The following LTBP1 variants were observed in gnomAD, a reference collection of about 807,000 sequenced individuals.
LTBP1 encodes the protein latent-transforming growth factor beta-binding protein 1.
LTBP1 carries 129 observed loss-of-function variants against 207.6 expected under a neutral mutation model. The observed-to-expected ratio is 0.62, with a 90% CI of 0.54 to 0.72. The LOEUF (loss-of-function observed/expected upper bound fraction) is 0.72. LTBP1 is among the 30% of genes least tolerant of loss of function. The pLI is 0.00. For synonymous variants in LTBP1, 963 were observed against 833.7 expected, an observed-to-expected ratio of 1.16 and a Z score of -2.67; for missense variants, 2,281 against 2,217.2, an observed-to-expected ratio of 1.03 and a Z score of -0.58.
chr2:33,042,397 G>T (rs562396597), intron 3 of LTBP1, among the ~76,000 whole-genome samples: 1 of 152,288 alleles, frequency 6.6e-6, no homozygotes, highest in Admixed American at 6.5e-5. Context: ...GGTTTTTTCT[G>T]TGCTTTTCCT....
chr2:33,173,042 A>C (rs1328751910), intron 5 of LTBP1, among the ~76,000 whole-genome samples: 2 of 152,230 alleles, frequency 1.3e-5, no homozygotes, highest in Non-Finnish European at 2.9e-5. Context: ...AATGTCCACA[A>C]GAGAAAGCAG....
At position 33,334,471 on chromosome 2, in the gene LTBP1, G is replaced by A. The variant is rs181113747; in HGVS notation, c.3731-8367G>A. Among the ~76,000 whole-genome samples the A allele has an allele frequency of 2.6e-5, 4 of 152,324 alleles. No individual in the cohort carries two copies. The East Asian group carries it at 7.7e-4, about 29-fold the overall frequency. Reference sequence around the variant, plus strand: ...AAACTCAGTTTGGAAGCCATTGCAGGAATTCGAGTGAAAGATAATGTGTCC... The same window carrying A: ...AAACTCAGTTTGGAAGCCATTGCAGAAATTCGAGTGAAAGATAATGTGTCC... On this transcript the variant is annotated intron_variant, in intron 24 of 33. Coordinates refer to ENST00000404816, the MANE Select transcript of LTBP1 (RefSeq NM_206943.4).
chr2:33,104,825 A>G (rs184573642), intron 3 of LTBP1, among the ~76,000 whole-genome samples: 1 of 152,220 alleles, frequency 6.6e-6, no homozygotes, highest in East Asian at 1.9e-4. Context: ...TAACATAATC[A>G]TTCTTGCCCT....
chr2:33,064,206 G>C (rs2077396144), intron 3 of LTBP1, among the ~76,000 whole-genome samples: 1 of 152,144 alleles, frequency 6.6e-6, no homozygotes. Flanking sequence ...ACTTTAAATT[G>C]AGTTTTCTGC....
chr2:32,958,731 A>G lies in LTBP1; in HGVS notation c.565+9786A>G, dbSNP rs542159629. ...TGTTTACTCTCACCTTTTGGCAATAATTTCCACTTGTTTTTCTTTCCTGCT... is the reference window on the plus strand; with the variant it reads ...TGTTTACTCTCACCTTTTGGCAATAGTTTCCACTTGTTTTTCTTTCCTGCT... On this transcript the variant is annotated intron_variant, in intron 2 of 33. Coordinates refer to ENST00000404816, the MANE Select transcript of LTBP1 (RefSeq NM_206943.4). 2.0e-5 allele frequency among the ~76,000 whole-genome samples: 3 copies of G among 152,250 alleles called. No homozygotes were observed. In the East Asian group the frequency reaches 5.8e-4, roughly 29 times the overall value.
intron 2 of LTBP1, among the ~76,000 whole-genome samples, chr2:32,983,498 G>A (rs1683076736): frequency 6.6e-6 from 1 of 152,132 alleles, no homozygotes; most frequent in Admixed American, 6.5e-5. Context: ...GAGGACATGA[G>A]ATTTGGGAGG....
chr2:32,997,241 T>C (rs533007034), intron 2 of LTBP1, among the ~76,000 whole-genome samples: 5 of 152,178 alleles, frequency 3.3e-5, no homozygotes, highest in African/African-American at 9.6e-5. Context: ...CCAGGTGTGT[T>C]GGCTCACTTC....
Position 33,243,834 on chromosome 2 carries a change from G to T in LTBP1, c.1999+50G>T, listed in dbSNP as rs775307361. The T allele has an allele frequency of 2.5e-5, 40 of 1,604,720 alleles. No homozygotes were observed. In the African/African-American group the frequency reaches 5.0e-4, roughly 20 times the overall value. ...CTGTTTTGGATTAATTGTCTTTGGG[G>T]TTTTTCCAAAAGAACGGAAATACTC... On this transcript the variant is annotated intron_variant, in intron 10 of 33. Coordinates refer to ENST00000404816, the MANE Select transcript of LTBP1 (RefSeq NM_206943.4).
chr2:33,059,484 C>T (rs867225331), intron 3 of LTBP1, among the ~76,000 whole-genome samples: 11 of 152,094 alleles, frequency 7.2e-5, no homozygotes, highest in African/African-American at 1.2e-4. Context: ...TTGCCATGTC[C>T]GTGGTGCCCA....
intron 24 of LTBP1, among the ~76,000 whole-genome samples, chr2:33,334,293 C>T (rs2094530228): frequency 6.6e-6 from 1 of 152,342 alleles, no homozygotes; most frequent in Admixed American, 6.5e-5. Context: ...CAAGCGCAGA[C>T]AGCACGTGGC....
intron 2 of LTBP1, among the ~76,000 whole-genome samples, chr2:32,958,387 C>A (rs989984247): frequency 1.3e-5 from 2 of 152,204 alleles, no homozygotes; most frequent in Admixed American, 1.3e-4. Flanking sequence ...ACTGCTTCTT[C>A]CATGCCCCTC....
chr2:33,134,558 C>G lies in LTBP1; in HGVS notation c.1034-235C>G. On this transcript the variant is annotated intron_variant, in intron 4 of 33. Coordinates refer to ENST00000404816, the MANE Select transcript of LTBP1 (RefSeq NM_206943.4). This position sits in a 1 kb window ranked among gnomAD's most constrained non-coding sequence, Gnocchi z 4.4. ...CTTCAAATGTGGTTTTGGAGTGCAT[C>G]CCAGAGTTCTGTTTGCTAAGCTTCC... The G allele has an allele frequency of 1.3e-6, 2 of 1,529,236 alleles. No individual in the cohort carries two copies. The highest frequency in any genetic ancestry group is 8.8e-7 in the Non-Finnish European group (1 of 1,134,086). 94.7% of individuals were successfully genotyped at this position (1,529,236 alleles called of 1,614,324 possible).
intron 24 of LTBP1, among the ~76,000 whole-genome samples, chr2:33,319,015 G>A (rs988998288): frequency 1.3e-5 from 2 of 152,088 alleles, no homozygotes; most frequent in Admixed American, 1.3e-4. Flanking sequence ...CGGAAGGATC[G>A]CTTGAGCCCA....
chr2:33,091,693 T>C (rs2079101588), intron 3 of LTBP1, among the ~76,000 whole-genome samples: 1 of 152,180 alleles, frequency 6.6e-6, no homozygotes, highest in Non-Finnish European at 1.5e-5. Context: ...CCCCTGTACT[T>C]GGTGCCGAAT....
At chr2:33,189,791 C>T (rs566119742) in intron 7 of LTBP1, among the ~76,000 whole-genome samples, 21 of 152,078 alleles carry the variant, frequency 1.4e-4, no homozygotes, top group South Asian at 2.1e-4. Context: ...TTTGGGAGGC[C>T]GAGGCAGGTG....
Position 33,222,119 on chromosome 2 carries a change from G to T in LTBP1, c.1844G>T (p.Gly615Val). 1.2e-6 allele frequency: 2 copies of T among 1,612,760 alleles called. No individual in the cohort carries two copies. The highest frequency in any genetic ancestry group is 8.5e-7 in the Non-Finnish European group (1 of 1,178,774). Residue 615 changes from glycine (G) to valine (V), a missense_variant, in exon 9 of 34, where the codon GGT (glycine) becomes GTT (valine). By Grantham distance (109) the Gly-to-Val change is moderately radical. This residue lies in a region of LTBP1 where 1,671 missense variants were observed against 1,634.8 expected (regional missense o/e 1.02). Transcript: ENST00000404816. Reference protein sequence around the residue: ...GYNQMMECLPGYKRVNNTFCQ... With the variant: ...GYNQMMECLPVYKRVNNTFCQ... ...AACCAAATGATGGAATGCCTACCGG[G>T]TTATAAGCGGGTTAACAACACCTTT...
chr2:33,033,818 C>G (rs2075795462), intron 3 of LTBP1, among the ~76,000 whole-genome samples: 2 of 152,078 alleles, frequency 1.3e-5, no homozygotes, highest in South Asian at 4.1e-4. Flanking sequence ...TAGTAGTTCC[C>G]AGACAAAACT....
intron 5 of LTBP1, among the ~76,000 whole-genome samples, chr2:33,184,998 A>G (rs1340145946): frequency 2.0e-5 from 3 of 152,158 alleles, no homozygotes; most frequent in Non-Finnish European, 4.4e-5. Flanking sequence ...ATGAGGGGCA[A>G]TGGGAATGCT....
rs192112648 is a variant in LTBP1, at chr2:33,302,696, A to G, written c.3481+1052A>G. On this transcript the variant is annotated intron_variant, in intron 22 of 33. Transcript: ENST00000404816. ...ATACTGTTAATGAATCAGTAAATCA[A>G]CTTCTAAGATTTTATCCTAAGGTGA... Among the ~76,000 whole-genome samples the G allele has an allele frequency of 5.0e-4, 76 of 152,182 alleles. No individual in the cohort carries two copies. The East Asian group carries it at 0.013, about 25-fold the overall frequency.
Sources: gnomAD v4.1 joint callset for allele counts (sites outside exome capture counted in the v4.1 genomes callset) on GRCh38, gnomAD v4.1.1 for gene constraint, gnomAD v4.1.1 regional missense constraint, Gnocchi (gnomAD v3.1) non-coding constraint, MANE v1.5 for transcripts, NCBI Gene and HGNC (gene_info 2026-07-23, HGNC 2026-07-21) for gene names.